Variants in STK32B observed in about 807,000 individuals in gnomAD.
STK32B encodes the protein serine/threonine-protein kinase 32B.
STK32B carries 43 observed loss-of-function variants against 52.6 expected under a neutral mutation model. The ratio of observed to expected loss-of-function variants is 0.82; its 90% CI spans 0.64 to 1.05. The LOEUF (loss-of-function observed/expected upper bound fraction) is 1.05. Among genes scored for constraint, STK32B ranks in the 50% least tolerant of loss-of-function variants. STK32B has a pLI of 0.00. For missense variants in STK32B, 621 were observed against 534.6 expected (o/e 1.16, Z -1.59); for synonymous variants, 238 against 204.3 (o/e 1.17, Z -1.41).
chr4:5,311,193 T>C (rs1483265322), intron 3 of STK32B, among the ~76,000 whole-genome samples: 1 of 152,202 alleles, frequency 6.6e-6, no homozygotes, highest in Non-Finnish European at 1.5e-5. Flanking sequence ...CAACAATTTA[T>C]TGTATATTTT....
chr4:5,457,719 A>T (rs1716678600), intron 8 of STK32B, among the ~76,000 whole-genome samples: 2 of 151,566 alleles, frequency 1.3e-5, no homozygotes, highest in South Asian at 4.2e-4. Flanking sequence ...ATACAAAAGT[A>T]GCCACCTACA....
At chr4:5,271,885 C>T (rs1415053927) in intron 3 of STK32B, among the ~76,000 whole-genome samples, 1 of 141,554 alleles carries the variant, frequency 7.1e-6, no homozygotes, top group Non-Finnish European at 1.5e-5. Flanking sequence ...AGTTGCTTAT[C>T]AGCTTAAGGA....
At chr4:5,272,683 G>A (rs916929118) in intron 3 of STK32B, among the ~76,000 whole-genome samples, 14 of 151,848 alleles carry the variant, frequency 9.2e-5, no homozygotes, top group African/African-American at 1.7e-4. Context: ...CAGAAATAAC[G>A]CCGCCTACCT....
chr4:5,308,623 G>T (rs1365636020), intron 3 of STK32B, among the ~76,000 whole-genome samples: 3 of 152,098 alleles, frequency 2.0e-5, no homozygotes, highest in Non-Finnish European at 4.4e-5. Flanking sequence ...CTTCTAATTA[G>T]GTAACCCCAT....
chr4:5,067,285 C>G (rs1289835735), intron 1 of STK32B, among the ~76,000 whole-genome samples: 1 of 152,150 alleles, frequency 6.6e-6, no homozygotes, highest in Non-Finnish European at 1.5e-5. Flanking sequence ...CGGTCCCTCC[C>G]CCAACACATG....
chr4:5,384,898 C>A (rs145932392), intron 4 of STK32B, among the ~76,000 whole-genome samples: 1 of 152,026 alleles, frequency 6.6e-6, no homozygotes, highest in Non-Finnish European at 1.5e-5. Flanking sequence ...AGGTGGAGAT[C>A]GAGATCCTAG....
chr4:5,411,577 G>T (rs933845652), intron 5 of STK32B, among the ~76,000 whole-genome samples: 6 of 152,128 alleles, frequency 3.9e-5, no homozygotes, highest in Non-Finnish European at 8.8e-5. Flanking sequence ...TTGTATGCAG[G>T]TTAAATGAAG....
rs536911552 is a variant in STK32B, at chr4:5,491,982, C to T, written c.1107-6963C>T. ...TACCATGCTGTTTTGGTTACTGTAG[C>T]CTTGTAGTATAGTTTGAAGTCAGGT... On this transcript the variant is annotated intron_variant, in intron 11 of 11. Coordinates refer to ENST00000282908, the MANE Select transcript of STK32B (RefSeq NM_018401.3). Among the ~76,000 whole-genome samples, 76 of 152,182 alleles carry T rather than the reference C, an allele frequency of 5.0e-4. 1 individual carries two copies. The South Asian group carries it at 0.014, about 27-fold the overall frequency.
chr4:5,322,195 T>C (rs57094474), intron 3 of STK32B, among the ~76,000 whole-genome samples: 17,675 of 152,022 alleles, frequency 0.12, 2,321 homozygotes, highest in African/African-American at 0.31. Flanking sequence ...CTTATCATTG[T>C]GAATGTTATT....
chr4:5,105,691 G>T (rs2108798202), intron 1 of STK32B, among the ~76,000 whole-genome samples: 1 of 151,998 alleles, frequency 6.6e-6, no homozygotes, highest in East Asian at 2.0e-4. Flanking sequence ...AGCCTCCCGA[G>T]CAGCTGGGAC....
At chr4:5,335,024 A>G (rs1171934842) in intron 4 of STK32B, among the ~76,000 whole-genome samples, 16 of 151,800 alleles carry the variant, frequency 1.1e-4, no homozygotes, top group South Asian at 2.1e-4. Flanking sequence ...CTCTTTTTCT[A>G]TTGATTGGAA....
chr4:5,173,545 C>T (rs1303275918), intron 3 of STK32B, among the ~76,000 whole-genome samples: 3 of 152,058 alleles, frequency 2.0e-5, no homozygotes, highest in Non-Finnish European at 2.9e-5. Context: ...TTATTTCTGC[C>T]TTCATTTCGT....
intron 4 of STK32B, among the ~76,000 whole-genome samples, chr4:5,370,996 GTATATATA>G (rs1553879921): frequency 7.1e-6 from 1 of 141,124 alleles, no homozygotes; most frequent in African/African-American, 2.7e-5. Context: ...GTGTGTGTGT[GTATATATA>G]TATATATGTA....
rs1355537141 is a variant in STK32B, at chr4:5,500,111, T to G, written c.*1028T>G. The G allele has an allele frequency of 1.3e-5, 2 of 152,192 alleles. No homozygotes were observed. Among genetic ancestry groups the G allele is most frequent in the Non-Finnish European group, 2.9e-5 (2 of 68,044 alleles). The allele number at this position is 152,192 out of a possible 1,614,324, so 9.4% of individuals were successfully genotyped here. On this transcript the variant is annotated 3_prime_UTR_variant, in exon 12 of 12. Transcript: ENST00000282908. ...ACAAAAAGCAAACTACATTCTGGTC[T>G]GCTCAGGGAGAAGCTTGCCTTTGAA... is the stretch of plus-strand genomic sequence containing the variant.
intron 3 of STK32B, among the ~76,000 whole-genome samples, chr4:5,288,188 T>C (rs1728670335): frequency 6.6e-6 from 1 of 152,194 alleles, no homozygotes; most frequent in South Asian, 2.1e-4. Flanking sequence ...TTTTGAGTAA[T>C]GCTACTGGGA....
intron 3 of STK32B, among the ~76,000 whole-genome samples, chr4:5,283,056 A>G (rs1039609883): frequency 1.3e-5 from 2 of 152,066 alleles, no homozygotes; most frequent in Non-Finnish European, 2.9e-5. Flanking sequence ...ATACCCTTAC[A>G]TGAACAACTC....
intron 4 of STK32B, among the ~76,000 whole-genome samples, chr4:5,365,076 A>T (rs1465084354): frequency 2.6e-5 from 4 of 152,002 alleles, no homozygotes; most frequent in Admixed American, 6.5e-5. Flanking sequence ...GGGTTTCACC[A>T]TGTTGGCCTG....
At chr4:5,184,240 T>A (rs1335071385) in intron 3 of STK32B, among the ~76,000 whole-genome samples, 1 of 152,176 alleles carries the variant, frequency 6.6e-6, no homozygotes, top group African/African-American at 2.4e-5. Context: ...GCCATTGTAG[T>A]GTTATTGCTT....
intron 1 of STK32B, among the ~76,000 whole-genome samples, chr4:5,118,623 G>A (rs1714866080): frequency 1.3e-5 from 2 of 152,332 alleles, no homozygotes; most frequent in Admixed American, 1.3e-4. Flanking sequence ...CTCGCTGGCT[G>A]AATCCACCCC....
Sources: gnomAD v4.1 joint callset for allele counts (sites outside exome capture counted in the v4.1 genomes callset) on GRCh38, gnomAD v4.1.1 for gene constraint, MANE v1.5 for transcripts, NCBI Gene and HGNC (gene_info 2026-07-23, HGNC 2026-07-21) for gene names.